The following FRY variants were observed in gnomAD, a reference collection of about 807,000 sequenced individuals.
The protein encoded by FRY is FRY microtubule binding protein, also known as protein furry homolog.
In FRY, 128 loss-of-function variants were observed where a neutral mutation model predicts 348.4. The observed-to-expected ratio is 0.37, with a 90% CI of 0.32 to 0.43. The LOEUF (loss-of-function observed/expected upper bound fraction) is 0.43, where lower values mean the gene tolerates loss of function less well. FRY is among the 20% of genes least tolerant of loss of function. The pLI, the probability that FRY is intolerant of heterozygous loss-of-function variation, is 1.00. For synonymous variants in FRY, 1,370 were observed against 1,374.7 expected, an observed-to-expected ratio of 1.00 and a Z score of 0.08; for missense variants, 2,736 against 3,695.2, an observed-to-expected ratio of 0.74 and a Z score of 6.73.
chr13:32,164,874 C>A lies in FRY; in HGVS notation c.1892+3623C>A, dbSNP rs540063962. Among the ~76,000 whole-genome samples the A allele has an allele frequency of 4.6e-4, 70 of 152,322 alleles. No homozygotes were observed. The South Asian group carries it at 0.014, about 30-fold the overall frequency. On this transcript the variant is annotated intron_variant, in intron 17 of 60. Transcript: ENST00000542859. ...ATTTGACCACAAGAGGGAGCTTTCA[C>A]TAGGAGTCCACAGGCTCCTTTCCTT...
chr13:32,257,169 A>G (rs913168945), intron 51 of FRY, among the ~76,000 whole-genome samples: 2 of 152,204 alleles, frequency 1.3e-5, no homozygotes, highest in African/African-American at 4.8e-5. Flanking sequence ...AATAAGGCAT[A>G]CTCAACCTCT....
intron 31 of FRY, among the ~76,000 whole-genome samples, chr13:32,204,201 A>G (rs1884216473): frequency 6.6e-6 from 1 of 152,246 alleles, no homozygotes; most frequent in South Asian, 2.1e-4. Context: ...TATCTGTAAT[A>G]GTAATGACTA....
At chr13:32,274,478 C>T (rs369485176) in intron 55 of FRY, among the ~76,000 whole-genome samples, 92 of 150,708 alleles carry the variant, frequency 6.1e-4, no homozygotes, top group East Asian at 1.2e-3. Context: ...GAGGCCGAGG[C>T]GGGCGGATCA....
intron 1 of FRY, among the ~76,000 whole-genome samples, chr13:32,055,564 A>G (rs1873579563): frequency 6.6e-6 from 1 of 152,158 alleles, no homozygotes; most frequent in Non-Finnish European, 1.5e-5. Flanking sequence ...TTGAGTCTGT[A>G]CATTTTATAA....
At chr13:32,274,334 C>T (rs1454338031) in intron 55 of FRY, among the ~76,000 whole-genome samples, 1 of 151,994 alleles carries the variant, frequency 6.6e-6, no homozygotes, top group Non-Finnish European at 1.5e-5. Context: ...TTAATTAGCC[C>T]AATTTAGCCA....
At chr13:32,038,620 C>T (rs1313421492) in intron 1 of FRY, 1 of 152,142 alleles carries the variant, frequency 6.6e-6, no homozygotes, top group Admixed American at 6.6e-5. Flanking sequence ...TAACATTGCT[C>T]CATCACTGAA....
At chr13:32,229,840 A>G (rs796425889) in intron 40 of FRY, among the ~76,000 whole-genome samples, 11 of 152,332 alleles carry the variant, frequency 7.2e-5, no homozygotes, top group African/African-American at 2.6e-4. Flanking sequence ...TCTTTATTTC[A>G]CTTAACATTT....
At chr13:32,049,929 A>T (rs1447498309) in intron 1 of FRY, among the ~76,000 whole-genome samples, 3 of 152,240 alleles carry the variant, frequency 2.0e-5, no homozygotes, top group African/African-American at 7.2e-5. Flanking sequence ...CAGTGTTTTA[A>T]AATTATACTC....
chr13:32,038,661 C>T (rs976511937), intron 1 of FRY: 1 of 152,222 alleles, frequency 6.6e-6, no homozygotes, highest in African/African-American at 2.4e-5. Context: ...AGAATGCTTT[C>T]TCTTTCTTTG....
chr13:32,086,656 GACAAAGAATT>G (rs1458503528), intron 2 of FRY, among the ~76,000 whole-genome samples: 17 of 152,132 alleles, frequency 1.1e-4, no homozygotes, highest in African/African-American at 4.1e-4. Context: ...TAACTTGCCT[GACAAAGAATT>G]ACTCAGAAAG....
rs748061210 is a variant in FRY at position 32,201,961 on chromosome 13, T to C, written c.3767T>C (p.Val1256Ala). ...CGSRNYPFDI[V>A]TLLNLVLFKA... ...TTTAGGAACTATCCCTTCGACATAG[T>C]GACATTGTTAAACCTTGTTCTATTC... The change falls in exon 30 of 61, where the codon GTG becomes GCG. Residue 1256 changes from valine to alanine, a missense_variant. Physicochemically the swap from Val to Ala is moderately conservative, Grantham distance 64 (BLOSUM62 0). This residue lies in a region of FRY where 794 missense variants were observed against 977.0 expected (regional missense o/e 0.81). Transcript: ENST00000542859. 3.1e-6 allele frequency: 5 copies of C among 1,593,448 alleles called. No individual in the cohort carries two copies. Among genetic ancestry groups the C allele is most frequent in the Non-Finnish European group, 3.4e-6 (4 of 1,161,448 alleles).
At chr13:32,214,611 T>G (rs1007104175) in intron 35 of FRY, among the ~76,000 whole-genome samples, 2 of 152,114 alleles carry the variant, frequency 1.3e-5, no homozygotes, top group African/African-American at 4.8e-5. Context: ...CATTTTAAAG[T>G]GTTTATTTGG....
At chr13:32,268,497 A>ATATAT (rs1351340927) in intron 55 of FRY, among the ~76,000 whole-genome samples, 3 of 15,438 alleles carry the variant, frequency 1.9e-4, no homozygotes, top group African/African-American at 4.5e-4. Flanking sequence ...AAAAAAAAAA[A>ATATAT]AAAAAAAAAT....
intron 43 of FRY, among the ~76,000 whole-genome samples, chr13:32,236,585 C>G (rs1462638898): frequency 1.3e-5 from 2 of 152,038 alleles, no homozygotes; most frequent in African/African-American, 4.8e-5. Flanking sequence ...GCCATAAAAA[C>G]AGTTGGAATA....
intron 2 of FRY, among the ~76,000 whole-genome samples, chr13:32,093,651 CT>C (rs960942833): frequency 1.1e-4 from 17 of 152,246 alleles, no homozygotes; most frequent in Non-Finnish European, 2.2e-4. Flanking sequence ...CTGGGTTTCA[CT>C]TTTTTTGTGC....
chr13:32,170,984 AT>A, intron 17 of FRY, 27 bp from the exon 18 acceptor site: 1 of 1,534,170 alleles, frequency 6.5e-7, no homozygotes, highest in Non-Finnish European at 9.0e-7. Context: ...AAAGTAAATG[AT>A]TTTATTTTCC....
At chr13:32,229,980 G>T (rs548769462) in intron 40 of FRY, among the ~76,000 whole-genome samples, 1 of 152,292 alleles carries the variant, frequency 6.6e-6, no homozygotes, top group East Asian at 1.9e-4. Context: ...CTATAAATTA[G>T]ATGTGTTTTG....
Position 32,296,385 on chromosome 13 carries a change from C to T in FRY, c.*925C>T, listed in dbSNP as rs2072063107. 6.6e-6 allele frequency: 1 copy of T among 152,532 alleles called. No individual in the cohort carries two copies. Among genetic ancestry groups the T allele is most frequent in the Admixed American group, 6.5e-5 (1 of 15,278 alleles). The allele number at this position is 152,532 out of a possible 1,614,324, so 9.4% of individuals were successfully genotyped here. A position where few individuals can be genotyped will look rare whatever the true frequency, so the allele number is the denominator to read the frequency against. ...CATAAAGGTAAAATATGAGTTGTTACTTTGTTTCTTCGATGTCATATTTTA... is the reference window on the plus strand; with the variant it reads ...CATAAAGGTAAAATATGAGTTGTTATTTTGTTTCTTCGATGTCATATTTTA... On this transcript the variant is annotated 3_prime_UTR_variant, in exon 61 of 61. Transcript: ENST00000542859.
At chr13:32,278,361 A>G (rs1456875380) in intron 57 of FRY, 104 bp from the exon 58 acceptor site, 2 of 743,384 alleles carry the variant, frequency 2.7e-6, no homozygotes, top group Non-Finnish European at 2.5e-6. Context: ...ATTTCATTTT[A>G]CTATTATTAG....
Sources: gnomAD v4.1 joint callset for allele counts (sites outside exome capture counted in the v4.1 genomes callset) on GRCh38, gnomAD v4.1.1 for gene constraint, gnomAD v4.1.1 regional missense constraint, MANE v1.5 for transcripts, NCBI Gene and HGNC (gene_info 2026-07-23, HGNC 2026-07-21) for gene names.